The following CNTN4 variants were observed in gnomAD, a reference collection of about 807,000 sequenced individuals.
CNTN4 encodes contactin-4.
Under a neutral mutation model 122.5 loss-of-function variants are expected in CNTN4, and 77 were observed. That is an observed-to-expected ratio of 0.63 (90% CI 0.52 to 0.76). The LOEUF is 0.76. Among genes scored for constraint, CNTN4 ranks in the 30% least tolerant of loss-of-function variants. The pLI is 0.00. For missense variants in CNTN4, 1,256 were observed against 1,259.1 expected, an observed-to-expected ratio of 1.00 and a Z score of 0.04; for synonymous variants, 512 against 447.0, an observed-to-expected ratio of 1.15 and a Z score of -1.83.
intron 2 of CNTN4, among the ~76,000 whole-genome samples, chr3:2,312,523 G>T (rs1380091650): frequency 6.6e-6 from 1 of 151,976 alleles, no homozygotes; most frequent in South Asian, 2.1e-4. Flanking sequence ...TCTTATCCCA[G>T]TGAGCCAGGA....
chr3:2,922,732 C>G (rs1419623394), intron 12 of CNTN4, among the ~76,000 whole-genome samples: 2 of 151,226 alleles, frequency 1.3e-5, no homozygotes, highest in African/African-American at 4.9e-5. Context: ...TATGCCTCAG[C>G]CTCCCCAGTA....
intron 2 of CNTN4, among the ~76,000 whole-genome samples, chr3:2,297,451 A>G (rs1387017885): frequency 6.6e-6 from 1 of 152,190 alleles, no homozygotes; most frequent in Non-Finnish European, 1.5e-5. Flanking sequence ...TTTTGAAAAC[A>G]GTGAGATAAG....
chr3:2,228,675 T>C lies in CNTN4; in HGVS notation c.-144-110503T>C, dbSNP rs577313816. 2.6e-5 allele frequency among the ~76,000 whole-genome samples: 4 copies of C among 152,308 alleles called. No individual in the cohort carries two copies. In the South Asian group the frequency reaches 8.3e-4, roughly 32 times the overall value. On this transcript the variant is annotated intron_variant, in intron 2 of 24. Transcript: ENST00000418658. ...GAAGACTGAGGGTCTAATGATTAAC[T>C]AATTTCCTTACTGAGAGCTGAGTTT...
At chr3:2,243,596 G>A (rs1044822990) in intron 2 of CNTN4, among the ~76,000 whole-genome samples, 1 of 152,020 alleles carries the variant, frequency 6.6e-6, no homozygotes, top group Non-Finnish European at 1.5e-5. Context: ...GTGGCCCAGG[G>A]AAGCCAAAAG....
In CNTN4 at chr3:2,424,625, C is replaced by A. The variant is rs565067927; in HGVS notation, c.-89+85392C>A. Reference sequence around the variant, plus strand: ...CAAATGGTATTTCTAGTTCTAGATCCTTGAGGAATGGCCACACTGTCTTCC... The same window carrying A: ...CAAATGGTATTTCTAGTTCTAGATCATTGAGGAATGGCCACACTGTCTTCC... On this transcript the variant is annotated intron_variant, in intron 3 of 24. Coordinates refer to ENST00000418658, the MANE Select transcript of CNTN4 (RefSeq NM_175607.3). 7.2e-5 allele frequency among the ~76,000 whole-genome samples: 11 copies of A among 152,262 alleles called. 1 individual carries two copies. The South Asian group carries it at 2.1e-3, about 29-fold the overall frequency.
chr3:2,176,256 A>G (rs2036743707), intron 2 of CNTN4, among the ~76,000 whole-genome samples: 1 of 152,130 alleles, frequency 6.6e-6, no homozygotes, highest in Non-Finnish European at 1.5e-5. Flanking sequence ...GCTTCACTTG[A>G]TATACTTTCT....
intron 7 of CNTN4, among the ~76,000 whole-genome samples, chr3:2,836,200 A>G (rs561227502): frequency 6.6e-6 from 1 of 152,320 alleles, no homozygotes; most frequent in South Asian, 2.1e-4. Flanking sequence ...TTATTATGGA[A>G]GGAATTGAAA....
chr3:2,724,448 A>C (rs1266615796), intron 4 of CNTN4, among the ~76,000 whole-genome samples: 1 of 152,212 alleles, frequency 6.6e-6, no homozygotes, highest in Non-Finnish European at 1.5e-5. Flanking sequence ...CAGAAAGAAA[A>C]GCACACCAAA....
chr3:2,353,042 A>G (rs180739188), intron 3 of CNTN4, among the ~76,000 whole-genome samples: 210 of 152,176 alleles, frequency 1.4e-3, no homozygotes, highest in African/African-American at 4.8e-3. Flanking sequence ...AGGTTTGTAA[A>G]CGTGCCAATC....
At chr3:2,691,417 G>A (rs1010261374) in intron 4 of CNTN4, among the ~76,000 whole-genome samples, 2 of 152,074 alleles carry the variant, frequency 1.3e-5, no homozygotes, top group African/African-American at 4.8e-5. Flanking sequence ...GGAGGGTAGA[G>A]GGAAAGAAGA....
At chr3:3,053,184 G>A (rs1329050532) in intron 23 of CNTN4, among the ~76,000 whole-genome samples, 1 of 152,174 alleles carries the variant, frequency 6.6e-6, no homozygotes, top group African/African-American at 2.4e-5. Context: ...ACAGGTGTGT[G>A]CCATCATGTC....
chr3:2,825,564 C>G (rs1331907166), intron 7 of CNTN4, among the ~76,000 whole-genome samples: 2 of 152,082 alleles, frequency 1.3e-5, no homozygotes, highest in Non-Finnish European at 2.9e-5. Flanking sequence ...TGGTGTGTGC[C>G]TCTAGTCCCA....
intron 8 of CNTN4, among the ~76,000 whole-genome samples, chr3:2,869,237 A>G (rs568231308): frequency 1.3e-5 from 2 of 152,338 alleles, no homozygotes; most frequent in East Asian, 3.9e-4. Context: ...TGCTATGTGG[A>G]AAACGGACTT....
intron 13 of CNTN4, among the ~76,000 whole-genome samples, chr3:2,950,214 T>G (rs1388257857): frequency 6.6e-6 from 1 of 152,356 alleles, no homozygotes; most frequent in Non-Finnish European, 1.5e-5. Flanking sequence ...TGGGATGCTG[T>G]GTATTCCCAC....
intron 4 of CNTN4, among the ~76,000 whole-genome samples, chr3:2,705,897 A>G (rs1281089122): frequency 1.9e-4 from 12 of 61,712 alleles, no homozygotes; most frequent in African/African-American, 5.5e-4. Context: ...AATATATAAA[A>G]TATATATTAT....
intron 3 of CNTN4, among the ~76,000 whole-genome samples, chr3:2,410,873 A>T (rs542472760): frequency 1.3e-5 from 2 of 152,276 alleles, no homozygotes; most frequent in African/African-American, 4.8e-5. Context: ...AGCAAAGCTA[A>T]ATGTTCTTTT....
chr3:2,127,624 A>G (rs2034241828), intron 2 of CNTN4, among the ~76,000 whole-genome samples: 1 of 151,242 alleles, frequency 6.6e-6, no homozygotes, highest in Non-Finnish European at 1.5e-5. Flanking sequence ...CACTCCTGCC[A>G]AGAATGCCCC....
chr3:2,391,696 A>G (rs545536631), intron 3 of CNTN4, among the ~76,000 whole-genome samples: 41 of 152,312 alleles, frequency 2.7e-4, no homozygotes, highest in African/African-American at 8.9e-4. Flanking sequence ...ACTGACTACA[A>G]AAGCTTTGCA....
intron 7 of CNTN4, among the ~76,000 whole-genome samples, chr3:2,824,456 CA>C (rs148849208): frequency 6.7e-6 from 1 of 149,642 alleles, no homozygotes; most frequent in Non-Finnish European, 1.5e-5. Flanking sequence ...GACTCTGGCT[CA>C]AAAAAAACAA....
Sources: allele counts gnomAD v4.1 joint callset (sites outside exome capture counted in the v4.1 genomes callset), GRCh38; gene constraint gnomAD v4.1.1; transcripts MANE v1.5; gene names NCBI Gene and HGNC (gene_info 2026-07-23, HGNC 2026-07-21).